CLCN4: variants seen among roughly 807,000 people sequenced by gnomAD.
CLCN4 encodes the protein Cl-/H+ antiporter 4, also known as H(+)/Cl(-) exchange transporter 4.
CLCN4 carries 1 observed loss-of-function variant against 41.7 expected under a neutral mutation model. The observed-to-expected ratio is 0.02, with a 90% CI of 0.01 to 0.11. The LOEUF (loss-of-function observed/expected upper bound fraction) is 0.11. Ranked by LOEUF, CLCN4 falls within the 10% of genes least tolerant of loss-of-function variation. The pLI is 1.00. For missense variants in CLCN4, 287 were observed against 661.0 expected (o/e 0.43, Z 6.20); for synonymous variants, 277 against 285.8 (o/e 0.97, Z 0.31).
intron 2 of CLCN4, among the ~76,000 whole-genome samples, chrX:10,175,234 G>C (rs1312756930): frequency 8.9e-6 from 1 of 111,748 alleles, no homozygotes; most frequent in African/African-American, 3.3e-5. Context: ...GAAGGCCGTG[G>C]GGAGGATGGC....
In CLCN4 at chrX:10,196,538, C is replaced by CTTTTTTTTT. The variant is rs141362799; in HGVS notation, c.433-1392_433-1384dup. On this transcript the variant is annotated intron_variant, in intron 5 of 12. Coordinates refer to ENST00000380833, the MANE Select transcript of CLCN4 (RefSeq NM_001830.4). ...ATTTATACATCTCCTCCCTTCCCCA[C>CTTTTTTTTT]TTTTTTTTTTTTTTTTTGCCTGACT... 1.1e-3 allele frequency among the ~76,000 whole-genome samples: 91 copies of CTTTTTTTTT among 80,876 alleles called. 2 individuals are homozygous for CTTTTTTTTT. Among genetic ancestry groups the CTTTTTTTTT allele is most frequent in the African/African-American group, 2.2e-3 (44 of 20,300 alleles). The allele number at this position is 80,876 out of a possible 115,157, so 70.2% of individuals were successfully genotyped here. A position where few individuals can be genotyped will look rare whatever the true frequency, so the allele number is the denominator to read the frequency against.
At chrX:10,210,761 T>C (rs1330678002) in intron 9 of CLCN4, among the ~76,000 whole-genome samples, 2 of 102,392 alleles carry the variant, frequency 2.0e-5, no homozygotes, top group Non-Finnish European at 3.9e-5. Flanking sequence ...GCTCAAGTGA[T>C]CCTCCTGCCT....
intron 6 of CLCN4, 84 bp from the exon 7 acceptor site, chrX:10,206,274 G>A (rs1237453375): frequency 5.9e-6 from 4 of 679,073 alleles, no homozygotes; most frequent in African/African-American, 2.1e-5. Flanking sequence ...AACTTTGAAC[G>A]TGTCTCTCAG....
chrX:10,167,762 C>T (rs771945433), intron 2 of CLCN4, among the ~76,000 whole-genome samples: 7 of 112,865 alleles, frequency 6.2e-5, no homozygotes, highest in Non-Finnish European at 1.1e-4. Context: ...TCCTGAGAGA[C>T]GCTGAGCCAG....
chrX:10,182,247 C>G (rs2147166102), intron 2 of CLCN4, among the ~76,000 whole-genome samples: 1 of 112,229 alleles, frequency 8.9e-6, no homozygotes, highest in Non-Finnish European at 1.9e-5. Context: ...GTTCATTCTA[C>G]CTATTAACCC....
intron 8 of CLCN4, among the ~76,000 whole-genome samples, chrX:10,207,210 A>C (rs1307830968): frequency 8.9e-6 from 1 of 112,406 alleles, no homozygotes; most frequent in Non-Finnish European, 1.9e-5. Flanking sequence ...CGTGAGCCAC[A>C]ATACCCGGCC....
intron 6 of CLCN4, among the ~76,000 whole-genome samples, chrX:10,200,200 G>C (rs1602152987): frequency 9.0e-6 from 1 of 111,459 alleles, no homozygotes; most frequent in East Asian, 2.8e-4. Flanking sequence ...ACTAATTTTT[G>C]TATTTTTTTG....
chrX:10,179,026 C>T (rs1474047503), intron 2 of CLCN4, among the ~76,000 whole-genome samples: 3 of 111,416 alleles, frequency 2.7e-5, no homozygotes, highest in East Asian at 2.8e-4. Context: ...TTTGAGGGTG[C>T]GAGATGACTA....
intron 3 of CLCN4, among the ~76,000 whole-genome samples, chrX:10,185,438 T>C (rs1923785868): frequency 9.0e-6 from 1 of 111,649 alleles, no homozygotes; most frequent in African/African-American, 3.3e-5. Context: ...GAACCTGTTT[T>C]CTCATCCATG....
chrX:10,206,131 T>C (rs913571429), intron 6 of CLCN4, among the ~76,000 whole-genome samples: 1 of 112,352 alleles, frequency 8.9e-6, no homozygotes, highest in African/African-American at 3.2e-5. Flanking sequence ...TTCAGTCCTC[T>C]TTAGGATCTT....
At chrX:10,170,787 C>T (rs1923367849) in intron 2 of CLCN4, among the ~76,000 whole-genome samples, 1 of 112,591 alleles carries the variant, frequency 8.9e-6, no homozygotes, top group African/African-American at 3.2e-5. Flanking sequence ...CATTTTAGTG[C>T]CCACGTTGTC....
chrX:10,196,372 T>C (rs1330897510), intron 5 of CLCN4, among the ~76,000 whole-genome samples: 1 of 111,620 alleles, frequency 9.0e-6, no homozygotes, highest in Non-Finnish European at 1.9e-5. Flanking sequence ...TTCTAACCCA[T>C]TTCAGTGGTT....
intron 11 of CLCN4, among the ~76,000 whole-genome samples, chrX:10,216,487 A>G (rs1569232573): frequency 9.0e-6 from 1 of 111,122 alleles, no homozygotes; most frequent in South Asian, 3.8e-4. Context: ...TCTTGTCTTG[A>G]GTTCTGCAGT....
At chrX:10,192,244 TACACAC>T (rs56033729) in intron 4 of CLCN4, among the ~76,000 whole-genome samples, 5 of 100,507 alleles carry the variant, frequency 5.0e-5, no homozygotes, top group Admixed American at 1.1e-4. Flanking sequence ...CTAGTGGAAG[TACACAC>T]ACACACACAC....
At chrX:10,185,220 T>A in intron 3 of CLCN4, 44 bp downstream of exon 3, 1 of 1,161,012 alleles carries the variant, frequency 8.6e-7, no homozygotes, top group African/African-American at 1.8e-5. Flanking sequence ...GGCTAAGCCA[T>A]GTTTTCATTC....
Position 10,208,413 on chromosome X carries a change from C to T in CLCN4, c.1212C>T (p.Asp404=), listed in dbSNP as rs764834754. ...TSELISELFN[D]CGALESSQLC... is the part of the protein sequence containing the mutation. Reference sequence around the variant, plus strand: ...AGCTCATTTCTGAGCTGTTCAATGACTGTGGAGCCCTTGAGTCTTCCCAGC... The same window carrying T: ...AGCTCATTTCTGAGCTGTTCAATGATTGTGGAGCCCTTGAGTCTTCCCAGC... The change falls in exon 9 of 13, where the codon GAC becomes GAT. Residue 404 remains aspartate, a synonymous_variant. Coordinates refer to ENST00000380833, the MANE Select transcript of CLCN4 (RefSeq NM_001830.4). 2 of 1,211,535 alleles carry T rather than the reference C, an allele frequency of 1.7e-6. No individual in the cohort carries two copies. Among genetic ancestry groups the T allele is most frequent in the Non-Finnish European group, 2.2e-6 (2 of 895,447 alleles).
chrX:10,221,893 C>T (rs754834176), intron 12 of CLCN4, among the ~76,000 whole-genome samples: 28 of 111,252 alleles, frequency 2.5e-4, no homozygotes, highest in African/African-American at 7.8e-4. Flanking sequence ...GAACTGAGGT[C>T]GCTTGTGGAT....
chrX:10,157,153 G>A (rs765628534), intron 1 of CLCN4, 53 bp downstream of exon 1: 1 of 292,110 alleles, frequency 3.4e-6, no homozygotes, highest in Admixed American at 6.2e-5. Flanking sequence ...ACCTAGTAAA[G>A]TACACTGCGA....
chrX:10,204,488 C>G (rs1367170330), intron 6 of CLCN4, among the ~76,000 whole-genome samples: 1 of 111,265 alleles, frequency 9.0e-6, no homozygotes, highest in African/African-American at 3.3e-5. Context: ...AGTAAAAATT[C>G]ATTAATTCAT....
Sources: allele counts gnomAD v4.1 joint callset (sites outside exome capture counted in the v4.1 genomes callset), GRCh38; gene constraint gnomAD v4.1.1; transcripts MANE v1.5; gene names NCBI Gene and HGNC (gene_info 2026-07-23, HGNC 2026-07-21).